The following GANC variants were observed in gnomAD, a reference collection of about 807,000 sequenced individuals.
GANC encodes neutral alpha-glucosidase C.
GANC carries 117 observed loss-of-function variants against 124.2 expected under a neutral mutation model. That is an observed-to-expected ratio of 0.94 (90% CI 0.81 to 1.10). GANC has a LOEUF of 1.10. GANC is among the 50% of genes least tolerant of loss of function. The probability of loss-of-function intolerance (pLI) is 0.00; values close to 1 mark genes in which losing one functional copy is unlikely to be tolerated. For synonymous variants in GANC, 377 were observed against 376.8 expected (o/e 1.00, Z -0.01); for missense variants, 1,140 against 1,095.0 (o/e 1.04, Z -0.58).
At chr15:42,335,810 C>A (rs1262528001) in intron 15 of GANC, among the ~76,000 whole-genome samples, 5 of 152,148 alleles carry the variant, frequency 3.3e-5, no homozygotes, top group African/African-American at 1.2e-4. Context: ...ATTAGCATTT[C>A]TATACACCAA....
In GANC at chr15:42,274,439, C is replaced by G; in HGVS notation, c.-43C>G. ...CTTTTTTAAAAGATCGCCCAGGGCC[C>G]TTGTCCTGAGAGCTGGGAGCTGGTC... On this transcript the variant is annotated 5_prime_UTR_variant, in exon 1 of 24. Transcript: ENST00000318010. 6.2e-7 allele frequency: 1 copy of G among 1,602,912 alleles called. No homozygotes were observed.
chr15:42,350,022 C>CTTTTTTTTTTTT (rs753077889), intron 22 of GANC, among the ~76,000 whole-genome samples: 2 of 75,034 alleles, frequency 2.7e-5, no homozygotes, highest in Admixed American at 2.0e-4. Context: ...CTTTCCCCCA[C>CTTTTTTTTTTTT]TTTTTTTTTT....
intron 20 of GANC, among the ~76,000 whole-genome samples, chr15:42,347,184 AAAAAAAAG>A (rs1328506971): frequency 0.013 from 1,626 of 127,428 alleles, 29 homozygotes; most frequent in African/African-American, 0.044. Context: ...GAAAAAAAAA[AAAAAAAAG>A]AAGAGAGAGA....
At chr15:42,275,209 T>A (rs2051653548) in intron 1 of GANC, among the ~76,000 whole-genome samples, 1 of 152,034 alleles carries the variant, frequency 6.6e-6, no homozygotes, top group Non-Finnish European at 1.5e-5. Flanking sequence ...TCCCTGTCTC[T>A]ACAAAAATTT....
At chr15:42,310,608 A>G (rs746767481) in intron 9 of GANC, 85 bp from the exon 10 acceptor site, 89 of 1,524,884 alleles carry the variant, frequency 5.8e-5, no homozygotes, top group Non-Finnish European at 7.6e-5. Context: ...AGTATCTACT[A>G]AAGGATCAGA....
rs547843879 is a variant in GANC at position 42,277,688 on chromosome 15, C to T, written c.93-794C>T. On this transcript the variant is annotated intron_variant, in intron 2 of 23. Transcript: ENST00000318010. ...CAATCACTGCCCACCACAACCTCCA[C>T]CTCCTGGGTTCAAGCGATTCTTCTG... Among the ~76,000 whole-genome samples the T allele has an allele frequency of 1.1e-4, 17 of 151,986 alleles. No homozygotes were observed. The South Asian group carries it at 3.1e-3, about 28-fold the overall frequency.
chr15:42,285,414 AAG>A (rs1479610171), intron 3 of GANC, among the ~76,000 whole-genome samples: 3 of 152,228 alleles, frequency 2.0e-5, no homozygotes, highest in South Asian at 2.1e-4. Context: ...GAAAGAAAGA[AAG>A]AAAAAACACA....
chr15:42,274,122 T>C lies in GANC; in HGVS notation c.-360T>C, dbSNP rs2141004707. The C allele has an allele frequency of 4.0e-6, 1 of 252,232 alleles. No homozygotes were observed. Among genetic ancestry groups the C allele is most frequent in the South Asian group, 4.1e-5 (1 of 24,324 alleles). The allele number at this position is 252,232 out of a possible 1,614,324, so 15.6% of individuals were successfully genotyped here. On this transcript the variant is annotated 5_prime_UTR_variant, in exon 1 of 24. Transcript: ENST00000318010. ...TGCTTCGTCCCAGTCAGGGAGGCCG[T>C]CTCGGCATTTCCAGGTTCTTAACGC...
chr15:42,306,862 C>T (rs1595771843), intron 7 of GANC, among the ~76,000 whole-genome samples: 1 of 152,156 alleles, frequency 6.6e-6, no homozygotes, highest in Admixed American at 6.5e-5. Context: ...GGTCATGGGT[C>T]AGCACACTGC....
chr15:42,280,238 A>G (rs1025599161), intron 3 of GANC, among the ~76,000 whole-genome samples: 1 of 152,134 alleles, frequency 6.6e-6, no homozygotes, highest in African/African-American at 2.4e-5. Context: ...TTTCTGGAGT[A>G]ATTTTCCTCC....
At chr15:42,339,583 C>T (rs1349448030) in intron 16 of GANC, 86 bp from the exon 17 acceptor site, 5 of 1,505,816 alleles carry the variant, frequency 3.3e-6, no homozygotes, top group Non-Finnish European at 4.5e-6. Flanking sequence ...GCACTTTTCT[C>T]CTGTCGGTCT....
intron 4 of GANC, among the ~76,000 whole-genome samples, chr15:42,288,843 G>T (rs2051816576): frequency 6.6e-6 from 1 of 152,120 alleles, no homozygotes; most frequent in Non-Finnish European, 1.5e-5. Flanking sequence ...ACTTAAAAGA[G>T]ACTGTTTCTC....
chr15:42,324,992 G>A (rs1045408658), intron 11 of GANC, among the ~76,000 whole-genome samples: 2 of 151,940 alleles, frequency 1.3e-5, no homozygotes, highest in African/African-American at 4.8e-5. Flanking sequence ...GGCTGGGTGC[G>A]GTGGCTCACA....
chr15:42,335,765 A>G (rs1355803368), intron 15 of GANC, among the ~76,000 whole-genome samples: 2 of 152,228 alleles, frequency 1.3e-5, no homozygotes, highest in Non-Finnish European at 2.9e-5. Flanking sequence ...CAACTTCAGC[A>G]AAGTCTCAGG....
chr15:42,299,126 A>T (rs534760724), intron 6 of GANC, among the ~76,000 whole-genome samples: 1 of 152,276 alleles, frequency 6.6e-6, no homozygotes, highest in Non-Finnish European at 1.5e-5. Context: ...GAGAGAGGAC[A>T]TCCTTGTCTT....
chr15:42,338,932 T>C (rs902276919), intron 16 of GANC, among the ~76,000 whole-genome samples: 4 of 152,182 alleles, frequency 2.6e-5, no homozygotes, highest in African/African-American at 9.6e-5. Flanking sequence ...CAAAAACATA[T>C]GCTCTTGAGA....
rs759165419 is a variant in GANC at position 42,322,045 on chromosome 15, C to A, written c.1293+25C>A. On this transcript the variant is annotated intron_variant, in intron 11 of 23. Coordinates refer to ENST00000318010, the MANE Select transcript of GANC (RefSeq NM_198141.3). ...GGTAAAATAAGCCAACATTTCTGAA[C>A]CTTTTAATTACAGAGTTTTAAAAAA... 3.8e-6 allele frequency: 6 copies of A among 1,562,492 alleles called. No homozygotes were observed. In the South Asian group the frequency reaches 5.8e-5, roughly 15 times the overall value.
chr15:42,330,125 A>T (rs990839262), intron 14 of GANC, among the ~76,000 whole-genome samples: 1 of 152,028 alleles, frequency 6.6e-6, no homozygotes, highest in East Asian at 1.9e-4. Context: ...TAGTTTTCAG[A>T]TTGTGTGTGT....
At position 42,352,146 on chromosome 15, in the gene GANC, ACTGCCC is replaced by A; in HGVS notation, c.*11_*16del. ...GGAGGTCCGCATCATATGACAAAGA[ACTGCCC>A]CTGGTGATGTGAGCAGGGACCTGCC... is the stretch of plus-strand genomic sequence containing the variant. On this transcript the variant is annotated 3_prime_UTR_variant, in exon 24 of 24. Coordinates refer to ENST00000318010, the MANE Select transcript of GANC (RefSeq NM_198141.3). The A allele has an allele frequency of 6.8e-6, 11 of 1,614,088 alleles. No individual in the cohort carries two copies. Among genetic ancestry groups the A allele is most frequent in the Non-Finnish European group, 8.5e-6 (10 of 1,179,976 alleles).
Sources: gnomAD v4.1 joint callset for allele counts (sites outside exome capture counted in the v4.1 genomes callset) on GRCh38, gnomAD v4.1.1 for gene constraint, MANE v1.5 for transcripts, NCBI Gene and HGNC (gene_info 2026-07-23, HGNC 2026-07-21) for gene names.